CROCC2: variants seen among roughly 807,000 people sequenced by gnomAD.
CROCC2 encodes the protein ciliary rootlet coiled-coil, rootletin family member 2, also known as ciliary rootlet coiled-coil protein 2.
A neutral mutation model predicts 177.6 loss-of-function variants in CROCC2; 163 were observed. That is an observed-to-expected ratio of 0.92 (90% CI 0.81 to 1.05). The LOEUF (loss-of-function observed/expected upper bound fraction) is 1.05. Among genes scored for constraint, CROCC2 ranks in the 50% least tolerant of loss-of-function variants. CROCC2 has a pLI of 0.00. For missense variants in CROCC2, 1,929 were observed against 1,797.8 expected, an observed-to-expected ratio of 1.07 and a Z score of -1.32; for synonymous variants, 904 against 787.3, an observed-to-expected ratio of 1.15 and a Z score of -2.48.
At chr2:240,984,186 G>A (rs910707360) in intron 28 of CROCC2, among the ~76,000 whole-genome samples, 7 of 152,126 alleles carry the variant, frequency 4.6e-5, no homozygotes, top group Non-Finnish European at 8.8e-5. Flanking sequence ...GTGTCCAGGG[G>A]TGGGCCGCAG....
At chr2:240,961,197 C>T (rs2059630534) in intron 20 of CROCC2, among the ~76,000 whole-genome samples, 1 of 152,218 alleles carries the variant, frequency 6.6e-6, no homozygotes, top group Non-Finnish European at 1.5e-5. Context: ...GAGGAACTTC[C>T]AGTCTCTCAG....
In CROCC2 at chr2:240,943,641, G is replaced by A. The variant is rs149036630; in HGVS notation, c.2170-2419G>A. Among the ~76,000 whole-genome samples the A allele has an allele frequency of 3.8e-4, 57 of 151,804 alleles. No individual in the cohort carries two copies. In the East Asian group the frequency reaches 9.0e-3, roughly 24 times the overall value. ...TAGCTGGGATTACAGGCATATGCCC[G>A]GCTAATTTTTGTATTTTTAGTAGAG... On this transcript the variant is annotated intron_variant, in intron 14 of 31. Coordinates refer to ENST00000690015, the MANE Select transcript of CROCC2 (RefSeq NM_001351305.2).
chr2:240,916,353 GCCCCCTGCGCCCCCCTCTGCGT>G lies in CROCC2; in HGVS notation c.79-2356_79-2335del, dbSNP rs1460452209. ...CACTCCAAAGTCGCGCCCACTCTAC[GCCCCCTGCGCCCCCCTCTGCGT>G]CCCCCTGCGCCCCCCTGCTCGCCCC... On this transcript the variant is annotated intron_variant, in intron 1 of 31. Transcript: ENST00000690015. Among the ~76,000 whole-genome samples the G allele has an allele frequency of 5.6e-3, 759 of 136,002 alleles. 7 individuals carry two copies. Among genetic ancestry groups the G allele is most frequent in the African/African-American group, 0.021 (699 of 33,128 alleles). 89.2% of individuals were successfully genotyped at this position (136,002 alleles called of 152,430 possible).
intron 21 of CROCC2, chr2:240,964,209 A>C (rs1300453973): frequency 1.8e-6 from 1 of 567,446 alleles, no homozygotes; most frequent in East Asian, 3.0e-5. Flanking sequence ...TGTGACAGAG[A>C]GGGGGAGACA....
intron 2 of CROCC2, among the ~76,000 whole-genome samples, chr2:240,919,713 T>C (rs1339165617): frequency 6.6e-6 from 1 of 151,354 alleles, no homozygotes. Flanking sequence ...CTGCCATTGG[T>C]TTGGGGCTCG....
intron 1 of CROCC2, among the ~76,000 whole-genome samples, chr2:240,910,029 C>T (rs924469969): frequency 6.6e-6 from 1 of 152,176 alleles, no homozygotes; most frequent in Non-Finnish European, 1.5e-5. Context: ...CCTCTTCCTC[C>T]GGCCACAGCT....
At position 240,989,804 on chromosome 2, in the gene CROCC2, C is replaced by A; in HGVS notation, c.4834C>A (p.Gln1612Lys). 1 of 1,548,438 alleles carries A rather than the reference C, an allele frequency of 6.5e-7. No homozygotes were observed. The highest frequency in any genetic ancestry group is 1.2e-5 in the South Asian group (1 of 83,926). The change falls in exon 30 of 32, where the codon CAG (glutamine) becomes AAG (lysine). Residue 1612 changes from glutamine to lysine, a missense_variant. Physicochemically the swap from Gln to Lys is moderately conservative, Grantham distance 53. Transcript: ENST00000690015. ...CCTGGAGTCCCAAGAATGGACCCAC[C>A]AGCAGCAGGTAAAGGTGCTGGAAGA... ...QALESQEWTH[Q>K]QQVKVLEEQV...
intron 14 of CROCC2, among the ~76,000 whole-genome samples, chr2:240,939,419 T>G (rs2059485202): frequency 6.6e-6 from 1 of 152,130 alleles, no homozygotes; most frequent in Non-Finnish European, 1.5e-5. Flanking sequence ...TTAAAGATTT[T>G]TGCATCTATA....
At chr2:240,934,233 G>T in intron 11 of CROCC2, 98 bp from the exon 12 acceptor site, 1 of 1,377,466 alleles carries the variant, frequency 7.3e-7, no homozygotes, top group Non-Finnish European at 9.8e-7. Flanking sequence ...GGCCTCCCTG[G>T]GCTTGGAGGG....
In CROCC2 at chr2:240,932,850, T is replaced by C. The variant is rs761795110; in HGVS notation, c.1193T>C (p.Leu398Pro). 24 of 1,545,706 alleles carry C rather than the reference T, an allele frequency of 1.6e-5. No homozygotes were observed. The highest frequency in any genetic ancestry group is 3.5e-6 in the Non-Finnish European group (4 of 1,144,904). ...CCACACATCTGCTCCCCAGCCACCC[T>C]GGACCCCGCACTGCAGGCCATGCGG... The part of the protein sequence containing the change: ...SPPHICSPAT[L>P]DPALQAMRAA... Residue 398 changes from leucine (L) to proline (P), a missense_variant, in exon 9 of 32, where the codon CTG (leucine) becomes CCG (proline). Leu to Pro is a moderately conservative substitution (Grantham distance 98). Around this residue, in one of 3 missense-constraint regions of CROCC2, gnomAD observed 1,397 missense variants for 1,239.9 expected, o/e 1.13. Coordinates refer to ENST00000690015, the MANE Select transcript of CROCC2 (RefSeq NM_001351305.2).
rs1451773525 is a variant in CROCC2 at position 240,982,750 on chromosome 2, T to A, written c.4402-130T>A. On this transcript the variant is annotated intron_variant, in intron 27 of 31. Transcript: ENST00000690015. The surrounding 1 kb of genome is among the most constrained non-coding windows in gnomAD (Gnocchi z 4.7). ...CACTTCAGGTTGTCCTTAACCACGT[T>A]CTTGCTGTTTTCATCCCAGCGATAC... 2 of 750,840 alleles carry A rather than the reference T, an allele frequency of 2.7e-6. No individual in the cohort carries two copies. The highest frequency in any genetic ancestry group is 5.5e-5 in the East Asian group (2 of 36,280). 46.5% of individuals were successfully genotyped at this position (750,840 alleles called of 1,614,324 possible). A position where few individuals can be genotyped will look rare whatever the true frequency, so the allele number is the denominator to read the frequency against.
intron 27 of CROCC2, among the ~76,000 whole-genome samples, chr2:240,977,061 A>G (rs2059771576): frequency 2.0e-5 from 1 of 51,150 alleles, no homozygotes. Context: ...GCTCTGGGGT[A>G]GGAGCCTCAG....
intron 14 of CROCC2, among the ~76,000 whole-genome samples, chr2:240,943,990 T>C (rs1383077064): frequency 3.3e-5 from 5 of 152,248 alleles, no homozygotes; most frequent in Non-Finnish European, 7.3e-5. Flanking sequence ...ATTGCTTTTC[T>C]AGTTGCTTTA....
At chr2:240,961,789 A>T (rs62649993) in intron 20 of CROCC2, among the ~76,000 whole-genome samples, 2 of 59,950 alleles carry the variant, frequency 3.3e-5, no homozygotes, top group African/African-American at 2.1e-4. Context: ...CATCACACAC[A>T]CGCACTCACA....
chr2:240,968,129 G>T lies in CROCC2; in HGVS notation c.4268G>T (p.Gly1423Val), dbSNP rs1400868878. 7.5e-6 allele frequency: 11 copies of T among 1,470,318 alleles called. No homozygotes were observed. Among genetic ancestry groups the T allele is most frequent in the South Asian group, 1.3e-5 (1 of 75,320 alleles). The allele number at this position is 1,470,318 out of a possible 1,614,324, so 91.1% of individuals were successfully genotyped here. Reference protein sequence around the residue: ...LQKALAEAEEGQRRVEGALSS... With the variant: ...LQKALAEAEEVQRRVEGALSS... ...TCAAGCCACCCTGCTTGCCCCACAG[G>T]CCAGCGCCGGGTGGAGGGCGCGCTG... The change falls in exon 27 of 32, where the codon GGC becomes GTC. Residue 1423 changes from glycine to valine, a missense_variant and splice_region_variant. Around this residue, in one of 3 missense-constraint regions of CROCC2, gnomAD observed 388 missense variants for 352.7 expected, o/e 1.10. Transcript: ENST00000690015.
intron 19 of CROCC2, among the ~76,000 whole-genome samples, chr2:240,956,902 G>T (rs1054602865): frequency 9.9e-5 from 15 of 152,240 alleles, no homozygotes; most frequent in Non-Finnish European, 1.6e-4. Context: ...GGACATAGAT[G>T]GGGGCCTGGC....
intron 28 of CROCC2, 162 bp downstream of exon 28, chr2:240,983,191 C>T (rs776162943): frequency 1.8e-5 from 15 of 849,948 alleles, no homozygotes; most frequent in Non-Finnish European, 2.7e-5. Context: ...GACCCAGGCA[C>T]CATCCAGTCC....
At chr2:240,937,142 C>A (rs951355825) in intron 14 of CROCC2, among the ~76,000 whole-genome samples, 4 of 152,172 alleles carry the variant, frequency 2.6e-5, no homozygotes, top group Non-Finnish European at 5.9e-5. Flanking sequence ...TAGAAGAGTT[C>A]CAGTTGCTCC....
chr2:240,985,646 CCACA>C (rs1239591937), intron 28 of CROCC2, among the ~76,000 whole-genome samples: 1 of 115,740 alleles, frequency 8.6e-6, no homozygotes, highest in Non-Finnish European at 1.7e-5. Flanking sequence ...GGCACTCACT[CCACA>C]CACACCCAGC....
Sources: gnomAD v4.1 joint callset for allele counts (sites outside exome capture counted in the v4.1 genomes callset) on GRCh38, gnomAD v4.1.1 for gene constraint, gnomAD v4.1.1 regional missense constraint, Gnocchi (gnomAD v3.1) non-coding constraint, MANE v1.5 for transcripts, NCBI Gene and HGNC (gene_info 2026-07-23, HGNC 2026-07-21) for gene names.